CNNM1: variants seen among roughly 807,000 people sequenced by gnomAD.
CNNM1 encodes cyclin and CBS domain divalent metal cation transport mediator 1.
In CNNM1, 44 loss-of-function variants were observed where a neutral mutation model predicts 78.8. The ratio of observed to expected loss-of-function variants is 0.56; its 90% CI spans 0.44 to 0.72. The LOEUF is 0.72. CNNM1 is among the 30% of genes least tolerant of loss of function. The pLI is 0.00. For synonymous variants in CNNM1, 584 were observed against 581.5 expected (o/e 1.00, Z -0.06); for missense variants, 1,101 against 1,292.2 (o/e 0.85, Z 2.27).
intron 6 of CNNM1, among the ~76,000 whole-genome samples, chr10:99,366,431 A>G (rs1254237298): frequency 1.3e-5 from 2 of 151,770 alleles, no homozygotes; most frequent in African/African-American, 2.4e-5. Flanking sequence ...AAAAAGACCT[A>G]CATATGGCTT....
chr10:99,357,407 G>A lies in CNNM1; in HGVS notation c.1574-105G>A. 10 of 1,145,270 alleles carry A rather than the reference G, an allele frequency of 8.7e-6. No homozygotes were observed. In the South Asian group the frequency reaches 1.7e-4, roughly 19 times the overall value. 70.9% of individuals were successfully genotyped at this position (1,145,270 alleles called of 1,614,324 possible). A position where few individuals can be genotyped will look rare whatever the true frequency, so the allele number is the denominator to read the frequency against. On this transcript the variant is annotated intron_variant, in intron 1 of 10. Transcript: ENST00000356713. ...ATTTTAAGGAGGTCCAGGGATGAGT[G>A]CAATCCTGAGATTGGTCAGACAGCA...
At chr10:99,356,538 AAGAC>A (rs199900201) in intron 1 of CNNM1, among the ~76,000 whole-genome samples, 1,319 of 87,656 alleles carry the variant, frequency 0.015, 14 homozygotes, top group Middle Eastern at 0.031. Flanking sequence ...GAAAGAAAGA[AAGAC>A]AGACAGACAG....
intron 6 of CNNM1, chr10:99,368,710 G>A (rs1236063757): frequency 2.3e-5 from 30 of 1,286,002 alleles, no homozygotes; most frequent in Non-Finnish European, 2.7e-5. Context: ...TCGGGTCTCT[G>A]TAGATCCAGA....
At chr10:99,331,726 G>A (rs182278497) in intron 1 of CNNM1, among the ~76,000 whole-genome samples, 78 of 152,228 alleles carry the variant, frequency 5.1e-4, no homozygotes, top group African/African-American at 1.0e-3. Flanking sequence ...TCTTTGCCCG[G>A]GGGGGAGGGA....
chr10:99,371,518 C>G (rs576570922), intron 6 of CNNM1, among the ~76,000 whole-genome samples: 1 of 152,270 alleles, frequency 6.6e-6, no homozygotes, highest in East Asian at 1.9e-4. Flanking sequence ...TTTTTCAGTG[C>G]TCGGTTATCT....
intron 6 of CNNM1, among the ~76,000 whole-genome samples, chr10:99,369,790 A>T (rs2031741409): frequency 6.6e-6 from 1 of 152,136 alleles, no homozygotes; most frequent in African/African-American, 2.4e-5. Context: ...ACAGGATCGG[A>T]CAGTCAATGT....
In CNNM1 at chr10:99,379,222, A is replaced by C. The variant is rs75672975; in HGVS notation, c.2340+2004A>C. ...GCCTGCTCTGTTCTTGGCACTGTTG[A>C]GATACTGTGGTGAAGACAGCAAGCT... On this transcript the variant is annotated intron_variant, in intron 7 of 10. Transcript: ENST00000356713. 8.7e-3 allele frequency among the ~76,000 whole-genome samples: 1,323 copies of C among 152,352 alleles called. 22 individuals carry two copies. The highest frequency in any genetic ancestry group is 0.03 in the African/African-American group (1,266 of 41,590).
chr10:99,330,495 T>A lies in CNNM1; in HGVS notation c.1108T>A (p.Phe370Ile). 6.3e-7 allele frequency: 1 copy of A among 1,583,876 alleles called. No individual in the cohort carries two copies. Among genetic ancestry groups the A allele is most frequent in the Non-Finnish European group, 8.6e-7 (1 of 1,165,810 alleles). ...CLTRLLMAAA[F>I]PVCYPLGRLL... ...GACCCGGCTTCTGATGGCAGCCGCC[T>A]TCCCCGTGTGCTACCCGCTGGGCCG... The change falls in exon 1 of 11, where the codon TTC becomes ATC. Residue 370 changes from phenylalanine (F) to isoleucine (I), a missense_variant. Coordinates refer to ENST00000356713, the MANE Select transcript of CNNM1 (RefSeq NM_020348.3).
intron 10 of CNNM1, 109 bp from the exon 11 acceptor site, chr10:99,391,328 G>A (rs986130704): frequency 2.6e-6 from 2 of 781,230 alleles, no homozygotes; most frequent in African/African-American, 1.7e-5. Flanking sequence ...AAGCTGTCAA[G>A]GGCTTTGTCT....
At chr10:99,368,762 T>C (rs1472269760) in intron 6 of CNNM1, 2 of 986,618 alleles carry the variant, frequency 2.0e-6, no homozygotes, top group African/African-American at 1.7e-5. Flanking sequence ...CTTTCCTGCA[T>C]GAGAACTAAT....
chr10:99,336,719 C>A (rs1029420350), intron 1 of CNNM1, among the ~76,000 whole-genome samples: 2 of 152,170 alleles, frequency 1.3e-5, no homozygotes, highest in Non-Finnish European at 1.5e-5. Context: ...GTAATCCGAG[C>A]ACTTTGGGAG....
At chr10:99,367,113 C>T (rs147825257) in intron 6 of CNNM1, among the ~76,000 whole-genome samples, 175 of 152,256 alleles carry the variant, frequency 1.1e-3, no homozygotes, top group African/African-American at 4.1e-3. Context: ...AGCCATACCC[C>T]ACAGTTATCC....
chr10:99,360,303 C>G (rs2031386532), intron 2 of CNNM1, among the ~76,000 whole-genome samples: 1 of 152,250 alleles, frequency 6.6e-6, no homozygotes, highest in Non-Finnish European at 1.5e-5. Context: ...CAGCAGGAGA[C>G]TAGGTGAGGC....
intron 6 of CNNM1, 88 bp downstream of exon 6, chr10:99,365,090 C>A: frequency 7.3e-7 from 1 of 1,372,774 alleles, no homozygotes; most frequent in Non-Finnish European, 1.0e-6. Flanking sequence ...CACTTTGAGC[C>A]TGGGCTGGGG....
At chr10:99,350,726 CTA>C (rs1225942103) in intron 1 of CNNM1, among the ~76,000 whole-genome samples, 3 of 152,102 alleles carry the variant, frequency 2.0e-5, no homozygotes, top group Non-Finnish European at 2.9e-5. Context: ...TTTGCTGCAC[CTA>C]TCAACCCATC....
At chr10:99,356,588 G>GAAAGAA (rs1554940082) in intron 1 of CNNM1, among the ~76,000 whole-genome samples, 1 of 108,870 alleles carries the variant, frequency 9.2e-6, no homozygotes, top group African/African-American at 3.7e-5. Context: ...AAGAAAGAAA[G>GAAAGAA]AAAGAAAGAA....
At chr10:99,339,707 T>C (rs1033986131) in intron 1 of CNNM1, among the ~76,000 whole-genome samples, 2 of 152,102 alleles carry the variant, frequency 1.3e-5, no homozygotes, top group African/African-American at 4.8e-5. Context: ...GCCAGAAAGG[T>C]TGGGGACCTC....
Position 99,329,699 on chromosome 10 carries a change from G to A in CNNM1, c.312G>A (p.Pro104=). 1 of 1,546,984 alleles carries A rather than the reference G, an allele frequency of 6.5e-7. No homozygotes were observed. Among genetic ancestry groups the A allele is most frequent in the Admixed American group, 1.8e-5 (1 of 54,462 alleles). Residue 104 remains proline (P), a synonymous_variant, in exon 1 of 11, where the codon CCG becomes CCA. Transcript: ENST00000356713. ...AGAATGGCACCGGCGACTGGGCTCC[G>A]CGGCTCGTGTTCATCGAGGAGCCCC... ...SGENGTGDWA[P]RLVFIEEPPG...
At position 99,364,449 on chromosome 10, in the gene CNNM1, C is replaced by A. The variant is rs745831531; in HGVS notation, c.2061C>A (p.Gly687=). 6 of 1,612,122 alleles carry A rather than the reference C, an allele frequency of 3.7e-6. No individual in the cohort carries two copies. In the African/African-American group the frequency reaches 5.3e-5, roughly 14 times the overall value. Residue 687 remains glycine, a synonymous_variant, in exon 5 of 11, where the codon GGC becomes GGA. Transcript: ENST00000356713. ...GKVEVEVGKE[G]LRFENGAFTY... is the part of the protein sequence containing the mutation. ...TGGAGGTGGAGGTTGGTAAGGAAGGCCTTCGCTTTGAAAATGGAGCCTTTA... is the reference window on the plus strand; with the variant it reads ...TGGAGGTGGAGGTTGGTAAGGAAGGACTTCGCTTTGAAAATGGAGCCTTTA...
Sources: gnomAD v4.1 joint callset for allele counts (sites outside exome capture counted in the v4.1 genomes callset) on GRCh38, gnomAD v4.1.1 for gene constraint, MANE v1.5 for transcripts, NCBI Gene and HGNC (gene_info 2026-07-23, HGNC 2026-07-21) for gene names.